Variants in ODF2 observed in about 807,000 individuals in gnomAD.
ODF2 encodes outer dense fiber of sperm tails 2.
ODF2 carries 47 observed loss-of-function variants against 110.2 expected under a neutral mutation model. The observed-to-expected ratio is 0.43, with a 90% confidence interval of 0.34 to 0.54. The LOEUF (loss-of-function observed/expected upper bound fraction) is 0.54. Among genes scored for constraint, ODF2 ranks in the 20% least tolerant of loss-of-function variants. The pLI, the probability that ODF2 is intolerant of heterozygous loss-of-function variation, is 0.03. For missense variants in ODF2, 812 were observed against 1,054.5 expected, an observed-to-expected ratio of 0.77 and a Z score of 3.19; for synonymous variants, 352 against 397.7, an observed-to-expected ratio of 0.89 and a Z score of 1.37.
exon 15 of ODF2, chr9:128,492,523 A>T: frequency 6.2e-7 from 1 of 1,612,630 alleles, no homozygotes; most frequent in Non-Finnish European, 8.5e-7. Flanking sequence ...ATGATTGACA[A>T]CTATAAGAGT....
intron 7 of ODF2, 178 bp downstream of exon 7, chr9:128,473,220 A>G (rs1840465563): frequency 1.0e-6 from 1 of 985,182 alleles, no homozygotes; most frequent in Admixed American, 6.2e-5. Context: ...TGACCCTTGA[A>G]GATGACCTCT....
At chr9:128,493,464 C>G (rs1845023494) in intron 16 of ODF2, among the ~76,000 whole-genome samples, 2 of 152,208 alleles carry the variant, frequency 1.3e-5, no homozygotes, top group South Asian at 4.1e-4. Context: ...TATGCCAGGT[C>G]TTTGGCATGC....
intron 11 of ODF2, among the ~76,000 whole-genome samples, chr9:128,484,310 C>T (rs1842968658): frequency 6.6e-6 from 1 of 152,188 alleles, no homozygotes; most frequent in Admixed American, 6.5e-5. Flanking sequence ...CACTTAATCC[C>T]CTAGGCCCTC....
At chr9:128,458,042 T>G (rs1835394875) in intron 2 of ODF2, among the ~76,000 whole-genome samples, 1 of 151,988 alleles carries the variant, frequency 6.6e-6, no homozygotes, top group Non-Finnish European at 1.5e-5. Context: ...CATTTTGATG[T>G]TGCATTATTT....
In ODF2 at chr9:128,469,004, T is replaced by C. The variant is rs1051234950; in HGVS notation, c.250-179T>C. On this transcript the variant is annotated intron_variant, in intron 4 of 20. Transcript: ENST00000604420. Reference sequence around the variant, plus strand: ...TGATGTTGGGAATTCTCCAAAACCATCATTTAAACATGGATAGGTAATGTT... The same window carrying C: ...TGATGTTGGGAATTCTCCAAAACCACCATTTAAACATGGATAGGTAATGTT... The C allele has an allele frequency of 5.0e-5, 28 of 561,974 alleles. 2 individuals carry two copies. The South Asian group carries it at 7.2e-4, about 14-fold the overall frequency. The allele number at this position is 561,974 out of a possible 1,614,324, so 34.8% of individuals were successfully genotyped here. A position where few individuals can be genotyped will look rare whatever the true frequency, so the allele number is the denominator to read the frequency against.
intron 13 of ODF2, among the ~76,000 whole-genome samples, chr9:128,487,084 C>CT (rs1378729924): frequency 6.6e-6 from 1 of 151,836 alleles, no homozygotes; most frequent in Non-Finnish European, 1.5e-5. Context: ...CTCTCTCTCT[C>CT]TTTTTTTTCT....
chr9:128,476,725 GCCTCCC>G, intron 8 of ODF2, among the ~76,000 whole-genome samples: 1 of 149,126 alleles, frequency 6.7e-6, no homozygotes, highest in Admixed American at 6.7e-5. Context: ...GCAACTTCTG[GCCTCCC>G]GAGTTCAAGT....
intron 4 of ODF2, among the ~76,000 whole-genome samples, chr9:128,463,534 A>G (rs1172893224): frequency 6.6e-6 from 1 of 152,162 alleles, no homozygotes; most frequent in East Asian, 1.9e-4. Flanking sequence ...AGATTTCAGT[A>G]AGCTGTGATT....
chr9:128,461,041 G>A (rs751203343), exon 4 of ODF2: 4 of 1,614,032 alleles, frequency 2.5e-6, no homozygotes, highest in Non-Finnish European at 3.4e-6. Context: ...AAAATCATCT[G>A]CCCGGCCTGT....
At chr9:128,456,215 T>C in exon 1 of ODF2, 1 of 1,547,406 alleles carries the variant, frequency 6.5e-7, no homozygotes, top group South Asian at 1.2e-5. Flanking sequence ...CTTCAACGAC[T>C]TCATAAGGCG....
chr9:128,457,494 C>A, intron 2 of ODF2: 1 of 1,523,698 alleles, frequency 6.6e-7, no homozygotes, highest in Admixed American at 2.1e-5. Flanking sequence ...GGCCAGGGGT[C>A]CCCAGGGCAG....
intron 10 of ODF2, 89 bp downstream of exon 10, chr9:128,482,976 A>C: frequency 1.0e-6 from 1 of 979,968 alleles, no homozygotes; most frequent in African/African-American, 1.7e-5. Flanking sequence ...GCTCGCTGCA[A>C]CCTCTGCCTC....
chr9:128,460,149 C>T (rs573964303), intron 3 of ODF2: 1 of 1,296,886 alleles, frequency 7.7e-7, no homozygotes, highest in East Asian at 5.4e-5. Flanking sequence ...CGCCAATCTG[C>T]ATGCCCAGTT....
chr9:128,497,443 AAAAATATATATATATATATATATAT>A lies in ODF2; in HGVS notation c.2013-968_2013-944del, dbSNP rs1382118629. The A allele has an allele frequency of 4.6e-4, 39 of 84,294 alleles. 1 individual carries two copies. The highest frequency in any genetic ancestry group is 1.9e-3 in the African/African-American group (25 of 13,146). The allele number at this position is 84,294 out of a possible 1,614,324, so 5.2% of individuals were successfully genotyped here. ...TCTACTAAAAAAAAAAAAAAAAAAA[AAAAATATATATATATATATATATAT>A]ATATATATATATATATATGTATAAA... On this transcript the variant is annotated intron_variant, in intron 18 of 20. Coordinates refer to ENST00000604420, the Ensembl canonical transcript of ODF2.
chr9:128,473,415 C>T, intron 7 of ODF2, 195 bp from the exon 8 acceptor site: 2 of 655,616 alleles, frequency 3.1e-6, no homozygotes, highest in Non-Finnish European at 3.8e-6. Context: ...TCCACCTTTG[C>T]TCGGAGCAGA....
At chr9:128,472,839 T>A (rs1840364625) in intron 6 of ODF2, 74 bp from the exon 7 acceptor site, 9 of 1,598,514 alleles carry the variant, frequency 5.6e-6, no homozygotes, top group Non-Finnish European at 7.7e-6. Context: ...CCCTAGGGCA[T>A]TGTGAGGCAA....
intron 4 of ODF2, among the ~76,000 whole-genome samples, chr9:128,467,525 A>C (rs1838544629): frequency 6.6e-6 from 1 of 151,938 alleles, no homozygotes; most frequent in Non-Finnish European, 1.5e-5. Context: ...CGGGCTTATC[A>C]CCTGAGGTCA....
Position 128,485,377 on chromosome 9 carries a change from G to A in ODF2, c.1303G>A (p.Ala435Thr), listed in dbSNP as rs758255613. 9 of 1,600,610 alleles carry A rather than the reference G, an allele frequency of 5.6e-6. No homozygotes were observed. The highest frequency in any genetic ancestry group is 1.1e-5 in the South Asian group (1 of 90,452). The change falls in exon 13 of 21, where the codon GCT (alanine) becomes ACT (threonine). Residue 435 changes from alanine to threonine, a missense_variant. Transcript: ENST00000604420. The surrounding 1 kb of genome is among the most constrained non-coding windows in gnomAD (Gnocchi z 5.0). ...CCCGTGTTCCCAGGATCTTTATGTC[G>A]CTGAAGCTTTATCCACTCTGGAATC...
chr9:128,482,383 G>A (rs891249420), intron 9 of ODF2, among the ~76,000 whole-genome samples: 4 of 152,142 alleles, frequency 2.6e-5, no homozygotes, highest in Admixed American at 1.3e-4. Context: ...AACTTGAACC[G>A]TCAAGCAGCT....
Sources: allele counts gnomAD v4.1 joint callset (sites outside exome capture counted in the v4.1 genomes callset), GRCh38; gene constraint gnomAD v4.1.1; non-coding constraint Gnocchi (gnomAD v3.1); transcripts MANE v1.5; gene names NCBI Gene and HGNC (gene_info 2026-07-23, HGNC 2026-07-21).